The following TIAM1 variants were observed in gnomAD, a reference collection of about 807,000 sequenced individuals.
TIAM1 encodes rho guanine nucleotide exchange factor TIAM1.
Under a neutral mutation model 163.5 loss-of-function variants are expected in TIAM1, and 65 were observed. The ratio of observed to expected loss-of-function variants is 0.40; its 90% CI spans 0.33 to 0.49. TIAM1 has a LOEUF of 0.49. Among genes scored for constraint, TIAM1 ranks in the 20% least tolerant of loss-of-function variants. The pLI is 0.77. For missense variants in TIAM1, 1,789 were observed against 2,044.7 expected, an observed-to-expected ratio of 0.87 and a Z score of 2.41; for synonymous variants, 833 against 810.1, an observed-to-expected ratio of 1.03 and a Z score of -0.48.
At chr21:31,458,125 C>T (rs2045178485) in intron 2 of TIAM1, among the ~76,000 whole-genome samples, 1 of 152,068 alleles carries the variant, frequency 6.6e-6, no homozygotes. Context: ...ACATGAGGTT[C>T]GATAAAACAA....
chr21:31,174,995 T>G (rs1456011315), intron 15 of TIAM1, among the ~76,000 whole-genome samples: 2 of 152,184 alleles, frequency 1.3e-5, no homozygotes, highest in Non-Finnish European at 2.9e-5. Flanking sequence ...ACAGGCTGTG[T>G]GTAGTGGTAT....
intron 3 of TIAM1, among the ~76,000 whole-genome samples, chr21:31,273,151 T>G (rs1381935458): frequency 6.6e-6 from 1 of 152,144 alleles, no homozygotes; most frequent in Non-Finnish European, 1.5e-5. Flanking sequence ...TCCTATTTTG[T>G]TTTTGTTGTC....
chr21:31,223,279 G>C, intron 8 of TIAM1, 127 bp downstream of exon 8: 1 of 1,035,454 alleles, frequency 9.7e-7, no homozygotes, highest in South Asian at 1.8e-5. Flanking sequence ...CACTGCAAAG[G>C]GAGGGCATTT....
intron 27 of TIAM1, among the ~76,000 whole-genome samples, chr21:31,121,838 A>C (rs2082014102): frequency 6.6e-6 from 1 of 152,206 alleles, no homozygotes; most frequent in South Asian, 2.1e-4. Context: ...CACATACACG[A>C]GACTGCTCAC....
intron 2 of TIAM1, among the ~76,000 whole-genome samples, chr21:31,448,072 A>G (rs113706300): frequency 1.4e-3 from 214 of 152,302 alleles, no homozygotes; most frequent in African/African-American, 5.0e-3. Context: ...GACGAGGCCA[A>G]TATCTTTCAC....
chr21:31,282,603 G>A (rs1296659189), intron 2 of TIAM1, among the ~76,000 whole-genome samples: 1 of 152,216 alleles, frequency 6.6e-6, no homozygotes, highest in African/African-American at 2.4e-5. Context: ...TCTGGCTTCT[G>A]TGAAAGCTGA....
At position 31,366,385 on chromosome 21, in the gene TIAM1, G is replaced by A. The variant is rs553682337; in HGVS notation, c.-368-26963C>T. Among the ~76,000 whole-genome samples the A allele has an allele frequency of 3.9e-5, 6 of 152,240 alleles. No homozygotes were observed. The East Asian group carries it at 7.7e-4, about 20-fold the overall frequency. On this transcript the variant is annotated intron_variant, in intron 2 of 28. Transcript: ENST00000286827. The stretch of plus-strand genomic sequence containing the variant: ...CAAATGGAAAGAAACATATCCATCC[G>A]TTAGCAGAGAATGAAAAACATGTCA...
upstream of TIAM1, among the ~76,000 whole-genome samples, chr21:31,347,446 G>A (rs972510823): frequency 2.6e-5 from 4 of 152,158 alleles, no homozygotes; most frequent in South Asian, 2.1e-4. Context: ...TAAGGAAGAC[G>A]CCTATCCCTC....
chr21:31,134,538 T>A (rs1457140496), intron 23 of TIAM1, among the ~76,000 whole-genome samples: 1 of 152,094 alleles, frequency 6.6e-6, no homozygotes, highest in African/African-American at 2.4e-5. Flanking sequence ...TGAGACAGAG[T>A]CTTGCTCTGT....
intron 12 of TIAM1, among the ~76,000 whole-genome samples, chr21:31,196,320 T>C (rs1569006241): frequency 6.6e-6 from 1 of 151,248 alleles, no homozygotes; most frequent in African/African-American, 2.4e-5. Context: ...TTTTTCTTTT[T>C]TTTTTTTTTC....
At chr21:31,205,636 G>A (rs2086412029) in intron 11 of TIAM1, among the ~76,000 whole-genome samples, 1 of 152,224 alleles carries the variant, frequency 6.6e-6, no homozygotes, top group Non-Finnish European at 1.5e-5. Context: ...ATGCATTGCA[G>A]AGAACTAAAG....
At chr21:31,290,371 C>T (rs938421941) in intron 2 of TIAM1, among the ~76,000 whole-genome samples, 4 of 151,920 alleles carry the variant, frequency 2.6e-5, no homozygotes, top group South Asian at 2.1e-4. Flanking sequence ...TGGTGACTCA[C>T]GCCTATAATT....
At chr21:31,506,032 G>C (rs1040098194) in intron 1 of TIAM1, among the ~76,000 whole-genome samples, 2 of 129,878 alleles carry the variant, frequency 1.5e-5, no homozygotes, top group Non-Finnish European at 3.2e-5. Flanking sequence ...AAAAAAAAAA[G>C]GCTGATGCGC....
chr21:31,148,376 C>T (rs2083232312), intron 19 of TIAM1, among the ~76,000 whole-genome samples: 1 of 152,116 alleles, frequency 6.6e-6, no homozygotes, highest in Admixed American at 6.5e-5. Flanking sequence ...AAGGGCGGTT[C>T]CCCTGCACAC....
At chr21:31,394,813 T>C (rs2077034920) in intron 2 of TIAM1, among the ~76,000 whole-genome samples, 1 of 148,696 alleles carries the variant, frequency 6.7e-6, no homozygotes, top group Admixed American at 6.7e-5. Flanking sequence ...GGGCTCCTGT[T>C]TATGGCCACT....
At position 31,494,369 on chromosome 21, in the gene TIAM1, T is replaced by C. The variant is rs979539898; in HGVS notation, c.-421-30334A>G. ...ACCAAGATCAAGACAAACCCTCCCT[T>C]TTCCTATTTCCAATGAAGAATCCTC... On this transcript the variant is annotated intron_variant, in intron 1 of 28. Transcript: ENST00000286827. Among the ~76,000 whole-genome samples the C allele has an allele frequency of 3.9e-5, 6 of 152,228 alleles. No individual in the cohort carries two copies. In the East Asian group the frequency reaches 1.2e-3, roughly 29 times the overall value.
intron 1 of TIAM1, among the ~76,000 whole-genome samples, chr21:31,558,060 G>A (rs1166404826): frequency 6.6e-6 from 1 of 152,158 alleles, no homozygotes; most frequent in Admixed American, 6.5e-5. Flanking sequence ...CAGGTTTCGA[G>A]GGGGCAAGCG....
At chr21:31,531,046 T>C (rs182498547) in intron 1 of TIAM1, among the ~76,000 whole-genome samples, 9 of 152,214 alleles carry the variant, frequency 5.9e-5, no homozygotes, top group Non-Finnish European at 2.9e-5. Context: ...CAGAATCTCA[T>C]CTCCCCAAGC....
intron 2 of TIAM1, among the ~76,000 whole-genome samples, chr21:31,337,053 A>G (rs2075863678): frequency 1.3e-5 from 2 of 152,350 alleles, no homozygotes. Flanking sequence ...ACTAGACTCC[A>G]TAGGCCAGGC....
Sources: allele counts gnomAD v4.1 joint callset (sites outside exome capture counted in the v4.1 genomes callset), GRCh38; gene constraint gnomAD v4.1.1; transcripts MANE v1.5; gene names NCBI Gene and HGNC (gene_info 2026-07-23, HGNC 2026-07-21).